The following TNIP2 variants were observed in gnomAD, a reference collection of about 807,000 sequenced individuals.
TNIP2 encodes the protein TNFAIP3 interacting protein 2.
TNIP2 carries 30 observed loss-of-function variants against 43.7 expected under a neutral mutation model. The observed-to-expected ratio is 0.69, with a 90% CI of 0.51 to 0.93. The LOEUF (loss-of-function observed/expected upper bound fraction) is 0.93, where lower values mean the gene tolerates loss of function less well. TNIP2 is among the 40% of genes least tolerant of loss of function. The pLI, the probability that TNIP2 is intolerant of heterozygous loss-of-function variation, is 0.00. For synonymous variants in TNIP2, 260 were observed against 254.6 expected (o/e 1.02, Z -0.20); for missense variants, 599 against 591.0 (o/e 1.01, Z -0.14).
At position 2,745,507 on chromosome 4, in the gene TNIP2, A is replaced by C. The variant is rs771645491; in HGVS notation, c.596T>G (p.Val199Gly). ...CTGCAACTTCTCAATAACACTCTGGACAGAGGTGTGCCCATCTGTGTGTTC... is the reference window on the plus strand; with the variant it reads ...CTGCAACTTCTCAATAACACTCTGGCCAGAGGTGTGCCCATCTGTGTGTTC... Reference protein sequence around the residue: ...QSEHTDGHTSVQSVIEKLQEE... With the variant: ...QSEHTDGHTSGQSVIEKLQEE... The change falls in exon 3 of 6, where the codon GTC (valine) becomes GGC (glycine). Residue 199 changes from valine (V) to glycine (G), a missense_variant. By Grantham distance (109) the Val-to-Gly change is moderately radical. Transcript: ENST00000315423. 3.1e-6 allele frequency: 5 copies of C among 1,614,032 alleles called. No individual in the cohort carries two copies. Among genetic ancestry groups the C allele is most frequent in the Non-Finnish European group, 4.2e-6 (5 of 1,179,940 alleles).
At chr4:2,747,600 C>T (rs959086452) in intron 2 of TNIP2, 55 bp downstream of exon 2, 1 of 1,539,742 alleles carries the variant, frequency 6.5e-7, no homozygotes, top group Non-Finnish European at 8.8e-7. Flanking sequence ...GGCCTGTAGG[C>T]GATGCTCCCA....
intron 1 of TNIP2, among the ~76,000 whole-genome samples, chr4:2,755,080 A>C (rs1722194723): frequency 6.6e-6 from 1 of 152,040 alleles, no homozygotes; most frequent in Non-Finnish European, 1.5e-5. Flanking sequence ...CCCAGCATAG[A>C]GTTGAAGCGC....
At chr4:2,745,071 G>C in intron 3 of TNIP2, 126 bp from the exon 4 acceptor site, 1 of 1,257,278 alleles carries the variant, frequency 8.0e-7, no homozygotes, top group Non-Finnish European at 1.1e-6. Context: ...AATGGAAGCT[G>C]CCCCTCCCTG....
Position 2,744,603 on chromosome 4 carries a change from C to T in TNIP2, c.906+94G>A. On this transcript the variant is annotated intron_variant, in intron 4 of 5. Coordinates refer to ENST00000315423, the MANE Select transcript of TNIP2 (RefSeq NM_024309.4). This position sits in a 1 kb window ranked among gnomAD's most constrained non-coding sequence, Gnocchi z 5.1. ...ACAGTGACCACTGCCCACTCAGTGC[C>T]ACCAAGCCTTCAGCCCAGCCTGTCC... is the stretch of plus-strand genomic sequence containing the variant. 1 of 1,596,172 alleles carries T rather than the reference C, an allele frequency of 6.3e-7. No homozygotes were observed.
intron 2 of TNIP2, among the ~76,000 whole-genome samples, chr4:2,745,790 G>A (rs566717920): frequency 1.1e-4 from 17 of 152,354 alleles, no homozygotes; most frequent in African/African-American, 3.6e-4. Context: ...TCCTTATCCC[G>A]TCCCACCTAC....
chr4:2,751,634 A>C (rs1722104670), intron 1 of TNIP2, among the ~76,000 whole-genome samples: 1 of 152,006 alleles, frequency 6.6e-6, no homozygotes, highest in Non-Finnish European at 1.5e-5. Context: ...TTAGCCAGGC[A>C]TGGTGGTGGG....
chr4:2,747,540 A>T, intron 2 of TNIP2, 115 bp downstream of exon 2: 1 of 1,056,340 alleles, frequency 9.5e-7, no homozygotes. Flanking sequence ...GACTCTCGTT[A>T]CTGAGAACAG....
chr4:2,744,676 C>T lies in TNIP2; in HGVS notation c.906+21G>A, dbSNP rs188993977. The T allele has an allele frequency of 6.9e-6, 11 of 1,594,792 alleles. No individual in the cohort carries two copies. The highest frequency in any genetic ancestry group is 5.0e-5 in the Admixed American group (3 of 59,734). On this transcript the variant is annotated intron_variant, in intron 4 of 5. Transcript: ENST00000315423. The surrounding 1 kb of genome is among the most constrained non-coding windows in gnomAD (Gnocchi z 5.1). ...CAGCAGACATCTGGTCAGTGCCGTCCGGAGCCCGAGGGACAGACACCTGCT... is the reference window on the plus strand; with the variant it reads ...CAGCAGACATCTGGTCAGTGCCGTCTGGAGCCCGAGGGACAGACACCTGCT...
Position 2,744,336 on chromosome 4 carries a change from G to T in TNIP2, c.1026+51C>A, listed in dbSNP as rs910495120. The T allele has an allele frequency of 2.5e-6, 4 of 1,611,158 alleles. No individual in the cohort carries two copies. In the Admixed American group the frequency reaches 6.7e-5, roughly 27 times the overall value. On this transcript the variant is annotated intron_variant, in intron 5 of 5. Coordinates refer to ENST00000315423, the MANE Select transcript of TNIP2 (RefSeq NM_024309.4). The surrounding 1 kb of genome is among the most constrained non-coding windows in gnomAD (Gnocchi z 5.1). ...GAAAGGCTCTAATCTCATGAGAAGA[G>T]AAACAAAAACACTAAACCTAAGCAG... is the stretch of plus-strand genomic sequence containing the variant.
rs777429379 is a variant in TNIP2, at chr4:2,744,464, G to C, written c.949C>G (p.Arg317Gly). The C allele has an allele frequency of 3.7e-6, 6 of 1,614,160 alleles. No individual in the cohort carries two copies. The highest frequency in any genetic ancestry group is 5.1e-6 in the Non-Finnish European group (6 of 1,179,990). ...TGAATCCTACTTTGAGCCCGTTCCC[G>C]ATCGGCCCTTTCTGACATGAAGTCA... ...KDDFMSERAD[R>G]ERAQSRIQEL... The change falls in exon 5 of 6, where the codon CGG (arginine) becomes GGG (glycine). Residue 317 changes from arginine to glycine, a missense_variant. Arg to Gly is a moderately radical substitution (Grantham distance 125). Transcript: ENST00000315423. This position sits in a 1 kb window ranked among gnomAD's most constrained non-coding sequence, Gnocchi z 5.1.
rs970119707 is a variant in TNIP2 at position 2,745,331 on chromosome 4, A to G, written c.657+115T>C. On this transcript the variant is annotated intron_variant, in intron 3 of 5. Transcript: ENST00000315423. ...CCAGTCTCTAGGGACTGTGTGTATCAAGTCCTAGTGGCCAGAGGGCGGGGG... is the reference window on the plus strand; with the variant it reads ...CCAGTCTCTAGGGACTGTGTGTATCGAGTCCTAGTGGCCAGAGGGCGGGGG... 7.7e-6 allele frequency: 6 copies of G among 775,798 alleles called. No homozygotes were observed. In the East Asian group the frequency reaches 1.6e-4, roughly 21 times the overall value. 48.1% of individuals were successfully genotyped at this position (775,798 alleles called of 1,614,324 possible).
chr4:2,747,202 G>A (rs1408981113), intron 2 of TNIP2, among the ~76,000 whole-genome samples: 1 of 152,272 alleles, frequency 6.6e-6, no homozygotes, highest in African/African-American at 2.4e-5. Flanking sequence ...TGAGCCTGAA[G>A]AAGGCGGGCA....
intron 2 of TNIP2, chr4:2,747,344 C>G: frequency 3.0e-6 from 1 of 334,854 alleles, no homozygotes; most frequent in Non-Finnish European, 5.6e-6. Context: ...CTCTGCCAGG[C>G]TCAGCTCCTC....
chr4:2,741,675 A>G lies in TNIP2; in HGVS notation c.*582T>C, dbSNP rs978965288. 6.6e-6 allele frequency: 1 copy of G among 152,306 alleles called. No homozygotes were observed. Among genetic ancestry groups the G allele is most frequent in the African/African-American group, 2.4e-5 (1 of 41,466 alleles). 9.4% of individuals were successfully genotyped at this position (152,306 alleles called of 1,614,324 possible). On this transcript the variant is annotated 3_prime_UTR_variant, in exon 6 of 6. Transcript: ENST00000315423. ...AATTCTCAGAGCAGTCACAGCAGCA[A>G]GAACGTTTATTATAAAAATAGGTGA...
rs976010229 is a variant in TNIP2, at chr4:2,744,634, T to C, written c.906+63A>G. 5.0e-6 allele frequency: 8 copies of C among 1,584,824 alleles called. No individual in the cohort carries two copies. The African/African-American group carries it at 6.7e-5, about 13-fold the overall frequency. ...GCCTTCAGCCCAGCCTGTCCCATGA[T>C]TTCGGCCACCACCGGCCAGCAGACA... On this transcript the variant is annotated intron_variant, in intron 4 of 5. Transcript: ENST00000315423. The surrounding 1 kb of genome is among the most constrained non-coding windows in gnomAD (Gnocchi z 5.1).
intron 1 of TNIP2, 173 bp downstream of exon 1, chr4:2,755,841 T>A: frequency 2.4e-5 from 10 of 413,506 alleles, no homozygotes; most frequent in Admixed American, 4.3e-4. Context: ...CCCCCTCAAC[T>A]CCCAGGACCT....
intron 1 of TNIP2, among the ~76,000 whole-genome samples, chr4:2,754,536 C>T (rs1722178651): frequency 6.6e-6 from 1 of 152,198 alleles, no homozygotes; most frequent in Non-Finnish European, 1.5e-5. Flanking sequence ...CCTGCCTCCG[C>T]CTCCCAAGTA....
At chr4:2,747,526 A>G (rs1051022566) in intron 2 of TNIP2, 129 bp downstream of exon 2, 2 of 920,318 alleles carry the variant, frequency 2.2e-6, no homozygotes, top group African/African-American at 1.7e-5. Flanking sequence ...TTGCCCCGTC[A>G]GCTGACTCTC....
intron 1 of TNIP2, among the ~76,000 whole-genome samples, chr4:2,754,752 G>T (rs1722186801): frequency 6.6e-6 from 1 of 152,112 alleles, no homozygotes; most frequent in Non-Finnish European, 1.5e-5. Context: ...TTCAGACAAG[G>T]TCTCACTTTG....
Sources: gnomAD v4.1 joint callset for allele counts (sites outside exome capture counted in the v4.1 genomes callset) on GRCh38, gnomAD v4.1.1 for gene constraint, Gnocchi (gnomAD v3.1) non-coding constraint, MANE v1.5 for transcripts, NCBI Gene and HGNC (gene_info 2026-07-23, HGNC 2026-07-21) for gene names.